Variants in ASTN2 observed in about 807,000 individuals in gnomAD.
ASTN2 encodes astrotactin-2.
In ASTN2, 54 loss-of-function variants were observed where a neutral mutation model predicts 139.8. The observed-to-expected ratio is 0.39, with a 90% CI of 0.31 to 0.48. The LOEUF is 0.48. Among genes scored for constraint, ASTN2 ranks in the 20% least tolerant of loss-of-function variants. ASTN2 has a pLI of 0.95. For synonymous variants in ASTN2, 756 were observed against 719.5 expected, an observed-to-expected ratio of 1.05 and a Z score of -0.81; for missense variants, 1,565 against 1,725.1, an observed-to-expected ratio of 0.91 and a Z score of 1.64.
intron 10 of ASTN2, among the ~76,000 whole-genome samples, chr9:116,893,603 T>C (rs1833815435): frequency 6.6e-6 from 1 of 152,166 alleles, no homozygotes; most frequent in Non-Finnish European, 1.5e-5. Flanking sequence ...TACGATGATG[T>C]GTCAGGGTTC....
intron 17 of ASTN2, among the ~76,000 whole-genome samples, chr9:116,625,862 A>AT (rs879629555): frequency 1.7e-4 from 26 of 152,000 alleles, no homozygotes; most frequent in Admixed American, 4.6e-4. Context: ...ACCTTGAGAG[A>AT]TTTTGTCCCT....
At chr9:116,919,863 C>T (rs1396731708) in intron 10 of ASTN2, among the ~76,000 whole-genome samples, 1 of 151,058 alleles carries the variant, frequency 6.6e-6, no homozygotes, top group African/African-American at 2.4e-5. Flanking sequence ...ATTGCTTGAG[C>T]CCAGGAGGTG....
intron 5 of ASTN2, among the ~76,000 whole-genome samples, chr9:117,094,039 A>G (rs553365943): frequency 6.7e-6 from 1 of 150,048 alleles, no homozygotes; most frequent in East Asian, 2.0e-4. Flanking sequence ...CCCACTGCCT[A>G]GAAGAGTGGC....
chr9:116,986,113 G>A (rs931722246), intron 7 of ASTN2, among the ~76,000 whole-genome samples: 2 of 152,062 alleles, frequency 1.3e-5, no homozygotes, highest in African/African-American at 2.4e-5. Context: ...TGTCGTTATC[G>A]TGATTGCTGC....
At chr9:117,156,401 C>T (rs953877238) in intron 3 of ASTN2, among the ~76,000 whole-genome samples, 1 of 152,002 alleles carries the variant, frequency 6.6e-6, no homozygotes, top group Non-Finnish European at 1.5e-5. Context: ...AACTTTGGCA[C>T]TATTGACATT....
chr9:117,239,228 A>G (rs1245942505), intron 2 of ASTN2, among the ~76,000 whole-genome samples: 1 of 152,142 alleles, frequency 6.6e-6, no homozygotes, highest in East Asian at 1.9e-4. Context: ...CAACAAATGT[A>G]AGCAGTGTCT....
At chr9:116,450,128 C>T (rs1394100193) in intron 20 of ASTN2, among the ~76,000 whole-genome samples, 1 of 152,214 alleles carries the variant, frequency 6.6e-6, no homozygotes, top group Non-Finnish European at 1.5e-5. Context: ...CAGCAAACTA[C>T]AGCCCACAGT....
chr9:116,819,590 C>T (rs1831427980), intron 12 of ASTN2, among the ~76,000 whole-genome samples: 1 of 152,178 alleles, frequency 6.6e-6, no homozygotes, highest in African/African-American at 2.4e-5. Flanking sequence ...TGCCCACACT[C>T]ACCCCCTATT....
intron 2 of ASTN2, among the ~76,000 whole-genome samples, chr9:117,264,758 G>A (rs972104819): frequency 2.0e-5 from 3 of 152,206 alleles, no homozygotes; most frequent in Non-Finnish European, 1.5e-5. Flanking sequence ...GGAAGTGTTA[G>A]GCTTAACGTT....
intron 16 of ASTN2, among the ~76,000 whole-genome samples, chr9:116,701,500 G>C (rs1345657536): frequency 6.6e-6 from 1 of 152,214 alleles, no homozygotes; most frequent in Non-Finnish European, 1.5e-5. Flanking sequence ...TGGGGGACTT[G>C]CTGAGGCAAT....
At chr9:117,172,456 G>A (rs1830816868) in intron 3 of ASTN2, among the ~76,000 whole-genome samples, 1 of 152,108 alleles carries the variant, frequency 6.6e-6, no homozygotes, top group Admixed American at 6.5e-5. Flanking sequence ...TAAGTCTAGT[G>A]CAATTTATAT....
At chr9:116,657,812 G>A (rs1160471392) in intron 16 of ASTN2, among the ~76,000 whole-genome samples, 1 of 150,620 alleles carries the variant, frequency 6.6e-6, no homozygotes, top group East Asian at 2.0e-4. Context: ...CTGCATTCCA[G>A]CCTGGGTGAC....
chr9:116,430,293 C>T (rs1295977213), intron 22 of ASTN2, among the ~76,000 whole-genome samples: 1 of 152,114 alleles, frequency 6.6e-6, no homozygotes, highest in African/African-American at 2.4e-5. Flanking sequence ...TAAGGAACAC[C>T]TTGAGTAGTA....
At chr9:117,356,161 G>A (rs965474347) in intron 1 of ASTN2, among the ~76,000 whole-genome samples, 1 of 152,166 alleles carries the variant, frequency 6.6e-6, no homozygotes, top group Non-Finnish European at 1.5e-5. Flanking sequence ...AAGTAGTAGA[G>A]CCAAGATGAG....
At chr9:116,978,491 T>TCTCTCACTCA (rs1246385801) in intron 7 of ASTN2, among the ~76,000 whole-genome samples, 2 of 116,172 alleles carry the variant, frequency 1.7e-5, no homozygotes, top group Admixed American at 8.4e-5. Context: ...TCTCTCTCTC[T>TCTCTCACTCA]CACGCACACA....
At chr9:116,810,533 A>G (rs146616311) in intron 12 of ASTN2, among the ~76,000 whole-genome samples, 1 of 152,302 alleles carries the variant, frequency 6.6e-6, no homozygotes, top group African/African-American at 2.4e-5. Context: ...TTTTTCATTT[A>G]TGCTTTCTTT....
At chr9:116,683,121 G>A (rs1023343473) in intron 16 of ASTN2, among the ~76,000 whole-genome samples, 15 of 151,540 alleles carry the variant, frequency 9.9e-5, no homozygotes, top group African/African-American at 2.4e-4. Flanking sequence ...TTGTTGTCTC[G>A]CTTTGGTCCT....
At chr9:116,593,201 G>A (rs1391654367) in intron 19 of ASTN2, among the ~76,000 whole-genome samples, 1 of 152,228 alleles carries the variant, frequency 6.6e-6, no homozygotes, top group African/African-American at 2.4e-5. Context: ...AGACAAGGCT[G>A]GGTGCGGTAA....
At chr9:117,173,216 A>G (rs1263492852) in intron 3 of ASTN2, among the ~76,000 whole-genome samples, 1 of 152,220 alleles carries the variant, frequency 6.6e-6, no homozygotes, top group African/African-American at 2.4e-5. Context: ...TCATTCACTT[A>G]GCAATCTGGC....
Sources: gnomAD v4.1 joint callset for allele counts (sites outside exome capture counted in the v4.1 genomes callset) on GRCh38, gnomAD v4.1.1 for gene constraint, MANE v1.5 for transcripts, NCBI Gene and HGNC (gene_info 2026-07-23, HGNC 2026-07-21) for gene names.